TMEM117: variants seen among roughly 807,000 people sequenced by gnomAD.
TMEM117 encodes the protein transmembrane protein 117.
A neutral mutation model predicts 52.4 loss-of-function variants in TMEM117; 27 were observed. The observed-to-expected ratio is 0.51, with a 90% CI of 0.38 to 0.71. The LOEUF (loss-of-function observed/expected upper bound fraction) is 0.71. Among genes scored for constraint, TMEM117 ranks in the 30% least tolerant of loss-of-function variants. The pLI, the probability that TMEM117 is intolerant of heterozygous loss-of-function variation, is 0.00. For missense variants in TMEM117, 556 were observed against 630.5 expected, an observed-to-expected ratio of 0.88 and a Z score of 1.26; for synonymous variants, 215 against 206.3, an observed-to-expected ratio of 1.04 and a Z score of -0.36.
intron 4 of TMEM117, among the ~76,000 whole-genome samples, chr12:44,174,149 A>G (rs1949086347): frequency 6.6e-6 from 1 of 152,200 alleles, no homozygotes. Context: ...TAAGCATATT[A>G]TAGAACATAC....
chr12:43,898,328 A>G (rs1944245895), intron 2 of TMEM117, among the ~76,000 whole-genome samples: 1 of 150,876 alleles, frequency 6.6e-6, no homozygotes, highest in African/African-American at 2.4e-5. Flanking sequence ...TTTAGTGTCA[A>G]GCTGGACTTT....
intron 6 of TMEM117, among the ~76,000 whole-genome samples, chr12:44,375,214 A>C (rs1448217793): frequency 2.0e-5 from 3 of 152,140 alleles, no homozygotes; most frequent in African/African-American, 7.2e-5. Context: ...AAATGTGCCA[A>C]ATTAATTCAG....
At chr12:44,151,351 C>A (rs1270151416) in intron 4 of TMEM117, among the ~76,000 whole-genome samples, 1 of 138,890 alleles carries the variant, frequency 7.2e-6, no homozygotes, top group Non-Finnish European at 1.6e-5. Flanking sequence ...ATGGAATTTT[C>A]TTTTTTTTTT....
intron 6 of TMEM117, among the ~76,000 whole-genome samples, chr12:44,316,396 T>C (rs1252806806): frequency 6.6e-6 from 1 of 152,174 alleles, no homozygotes; most frequent in Non-Finnish European, 1.5e-5. Flanking sequence ...TTAAGGATGC[T>C]GAAAATAGGC....
chr12:44,047,498 T>G (rs1946898265), intron 3 of TMEM117, among the ~76,000 whole-genome samples: 1 of 152,182 alleles, frequency 6.6e-6, no homozygotes, highest in Non-Finnish European at 1.5e-5. Flanking sequence ...TCACCTACCT[T>G]CATCCATATT....
chr12:43,865,623 G>C (rs1356013308), intron 2 of TMEM117, among the ~76,000 whole-genome samples: 2 of 151,922 alleles, frequency 1.3e-5, no homozygotes, highest in Admixed American at 6.6e-5. Context: ...CTTGAACCTG[G>C]GAGGTGGAGG....
At position 44,138,374 on chromosome 12, in the gene TMEM117, T is replaced by C. The variant is rs530707009; in HGVS notation, c.411-5151T>C. Among the ~76,000 whole-genome samples the C allele has an allele frequency of 1.3e-4, 20 of 152,144 alleles. No individual in the cohort carries two copies. In the South Asian group the frequency reaches 1.5e-3, roughly 11 times the overall value. On this transcript the variant is annotated intron_variant, in intron 3 of 7. Coordinates refer to ENST00000266534, the MANE Select transcript of TMEM117 (RefSeq NM_032256.3). ...AACATTAGTGATTAATCACTAATGT[T>C]GAGAGTAAAGGAAAGGGAGAAATTG...
chr12:44,396,311 C>T, the TMEM117 span, among the ~76,000 whole-genome samples: 1 of 152,052 alleles, frequency 6.6e-6, no homozygotes, highest in African/African-American at 2.4e-5. Flanking sequence ...CTTTCTTCAT[C>T]TTCCAAAATA....
chr12:44,380,407 C>A (rs1477092060), intron 7 of TMEM117, among the ~76,000 whole-genome samples: 1 of 152,150 alleles, frequency 6.6e-6, no homozygotes, highest in Admixed American at 6.5e-5. Context: ...ACTAGAAGAG[C>A]CTGGACAAGG....
intron 3 of TMEM117, among the ~76,000 whole-genome samples, chr12:44,028,017 C>T (rs1332640066): frequency 6.6e-6 from 1 of 152,084 alleles, no homozygotes; most frequent in Non-Finnish European, 1.5e-5. Context: ...CATGGTGAAA[C>T]CCCGTCTCTA....
intron 6 of TMEM117, among the ~76,000 whole-genome samples, chr12:44,328,508 G>A (rs1405400101): frequency 1.3e-5 from 2 of 152,048 alleles, no homozygotes; most frequent in African/African-American, 2.4e-5. Context: ...TAGTTCCTTC[G>A]TTCAGCTACT....
At chr12:44,189,843 CATTTCTTCTA>C (rs1349587986) in intron 4 of TMEM117, among the ~76,000 whole-genome samples, 4 of 152,140 alleles carry the variant, frequency 2.6e-5, no homozygotes, top group African/African-American at 9.7e-5. Flanking sequence ...TAGTTTAAGT[CATTTCTTCTA>C]AAGTCTTGGA....
intron 2 of TMEM117, among the ~76,000 whole-genome samples, chr12:43,889,575 C>T (rs1423988632): frequency 1.3e-5 from 2 of 152,278 alleles, no homozygotes; most frequent in African/African-American, 4.8e-5. Context: ...TACCAGTCTG[C>T]GACCCAGAGG....
chr12:44,064,197 G>T (rs991995327), intron 3 of TMEM117, among the ~76,000 whole-genome samples: 1 of 152,136 alleles, frequency 6.6e-6, no homozygotes, highest in African/African-American at 2.4e-5. Flanking sequence ...TCAGGGAGGA[G>T]ATGCTTTCTC....
chr12:44,306,522 A>G (rs192538220), intron 6 of TMEM117, among the ~76,000 whole-genome samples: 94 of 152,282 alleles, frequency 6.2e-4, no homozygotes, highest in Non-Finnish European at 4.4e-5. Flanking sequence ...GGATCCTTAT[A>G]CTATTGATAT....
At position 44,361,217 on chromosome 12, in the gene TMEM117, G is replaced by A. The variant is rs75355721; in HGVS notation, c.769-15378G>A. ...CGCTATAATTTGTTTTCAAATTATAGCAAAGATGAGCAATTTATACAGCTA... is the reference window on the plus strand; with the variant it reads ...CGCTATAATTTGTTTTCAAATTATAACAAAGATGAGCAATTTATACAGCTA... On this transcript the variant is annotated intron_variant, in intron 6 of 7. Coordinates refer to ENST00000266534, the MANE Select transcript of TMEM117 (RefSeq NM_032256.3). Among the ~76,000 whole-genome samples the A allele has an allele frequency of 6.4e-3, 975 of 152,064 alleles. 12 individuals are homozygous for A. The highest frequency in any genetic ancestry group is 0.022 in the African/African-American group (897 of 41,502).
At chr12:44,103,151 A>G (rs989583346) in intron 3 of TMEM117, among the ~76,000 whole-genome samples, 6 of 151,442 alleles carry the variant, frequency 4.0e-5, no homozygotes, top group Non-Finnish European at 1.5e-5. Flanking sequence ...GGAGAGAGGC[A>G]TTTTTATGAT....
intron 5 of TMEM117, among the ~76,000 whole-genome samples, chr12:44,246,451 C>A (rs188881453): frequency 1.2e-4 from 19 of 152,166 alleles, no homozygotes; most frequent in Admixed American, 2.0e-4. Context: ...ATGTATTTTT[C>A]GCTGCTTTTT....
chr12:43,938,892 C>T lies in TMEM117; in HGVS notation c.278-5318C>T, dbSNP rs1320881852. ...GCGTGTGCCTGTAATCCCAGCTACTCGGGAGGCTGAGGCGGGAGAATCACT... is the reference window on the plus strand; with the variant it reads ...GCGTGTGCCTGTAATCCCAGCTACTTGGGAGGCTGAGGCGGGAGAATCACT... On this transcript the variant is annotated intron_variant, in intron 2 of 7. Coordinates refer to ENST00000266534, the MANE Select transcript of TMEM117 (RefSeq NM_032256.3). Among the ~76,000 whole-genome samples, 9 of 151,714 alleles carry T rather than the reference C, an allele frequency of 5.9e-5. No homozygotes were observed. In the East Asian group the frequency reaches 7.7e-4, roughly 13 times the overall value.
Sources: allele counts gnomAD v4.1 joint callset (sites outside exome capture counted in the v4.1 genomes callset), GRCh38; gene constraint gnomAD v4.1.1; transcripts MANE v1.5; gene names NCBI Gene and HGNC (gene_info 2026-07-23, HGNC 2026-07-21).